Variants in SLC38A4 observed in about 807,000 individuals in gnomAD.
SLC38A4 encodes solute carrier family 38 member 4.
Under a neutral mutation model 63.1 loss-of-function variants are expected in SLC38A4, and 20 were observed. That is an observed-to-expected ratio of 0.32 (90% CI 0.22 to 0.46). The LOEUF is 0.46. SLC38A4 is among the 20% of genes least tolerant of loss of function. The pLI is 1.00. For synonymous variants in SLC38A4, 230 were observed against 225.5 expected (o/e 1.02, Z -0.18); for missense variants, 526 against 663.6 (o/e 0.79, Z 2.28).
intron 1 of SLC38A4, among the ~76,000 whole-genome samples, chr12:46,815,869 T>G (rs547532854): frequency 6.6e-6 from 1 of 151,980 alleles, no homozygotes; most frequent in Non-Finnish European, 1.5e-5. Context: ...GTAGGTCCCT[T>G]AAAATATCCA....
intron 1 of SLC38A4, among the ~76,000 whole-genome samples, chr12:46,806,998 A>G (rs1203127957): frequency 6.8e-6 from 1 of 147,944 alleles, no homozygotes; most frequent in Non-Finnish European, 1.5e-5. Context: ...GTCAACAATT[A>G]AAAAAAAAAA....
chr12:46,766,657 C>G lies in SLC38A4; in HGVS notation c.*44G>C, dbSNP rs766667475. 8.0e-7 allele frequency: 1 copy of G among 1,244,136 alleles called. No individual in the cohort carries two copies. Among genetic ancestry groups the G allele is most frequent in the Non-Finnish European group, 1.2e-6 (1 of 852,622 alleles). The allele number at this position is 1,244,136 out of a possible 1,614,324, so 77.1% of individuals were successfully genotyped here. A position where few individuals can be genotyped will look rare whatever the true frequency, so the allele number is the denominator to read the frequency against. ...AATTCAAATATCTTTTGGAGTATAA[C>G]TTGTAACCATTTCCAATAGAAAAAG... On this transcript the variant is annotated 3_prime_UTR_variant, in exon 17 of 17. Transcript: ENST00000266579.
At chr12:46,791,085 G>A (rs1299286659) in intron 3 of SLC38A4, among the ~76,000 whole-genome samples, 1 of 152,188 alleles carries the variant, frequency 6.6e-6, no homozygotes, top group African/African-American at 2.4e-5. Context: ...CAGTTCTTAG[G>A]AGGGTGTCCC....
At chr12:46,788,654 C>T in intron 3 of SLC38A4, 36 bp from the exon 4 acceptor site, 1 of 1,525,716 alleles carries the variant, frequency 6.6e-7, no homozygotes. Flanking sequence ...AAAGTGAAAA[C>T]ATCTAAATAT....
At chr12:46,768,436 A>C in intron 15 of SLC38A4, 29 bp from the exon 16 acceptor site, 1 of 1,539,344 alleles carries the variant, frequency 6.5e-7, no homozygotes, top group Non-Finnish European at 8.9e-7. Context: ...GGCAAGGTCA[A>C]TGTCTTACCC....
Position 46,786,747 on chromosome 12 carries a change from T to G in SLC38A4, c.326+1169A>C, listed in dbSNP as rs183179305. 1.8e-4 allele frequency among the ~76,000 whole-genome samples: 28 copies of G among 152,256 alleles called. No individual in the cohort carries two copies. In the East Asian group the frequency reaches 5.4e-3, roughly 29 times the overall value. The stretch of plus-strand genomic sequence containing the variant: ...AAACCCATTCAGCTGAAGAATATTA[T>G]ACATAAAAGAGTTCAATCAAAGCAC... On this transcript the variant is annotated intron_variant, in intron 5 of 16. Transcript: ENST00000266579.
Position 46,779,954 on chromosome 12 carries a change from A to G in SLC38A4, c.570T>C (p.Asn190=). The G allele has an allele frequency of 1.2e-6, 2 of 1,612,010 alleles. No homozygotes were observed. Among genetic ancestry groups the G allele is most frequent in the Non-Finnish European group, 1.7e-6 (2 of 1,178,662 alleles). ...VIRAFMGLEE[N]TGEWYLNGNY... ...AGAGGGAGCATAAGACATACCCAGT[A>G]TTTTCTTCAAGTCCCATGAATGCTC... The change falls in exon 8 of 17, where the codon AAT becomes AAC. Residue 190 remains asparagine, a synonymous_variant. Coordinates refer to ENST00000266579, the MANE Select transcript of SLC38A4 (RefSeq NM_018018.5).
chr12:46,803,535 A>G (rs1173440115), intron 2 of SLC38A4, 68 bp downstream of exon 2: 1 of 152,032 alleles, frequency 6.6e-6, no homozygotes, highest in Non-Finnish European at 1.5e-5. Flanking sequence ...ATAAACAAAC[A>G]ACACAATAAA....
At chr12:46,768,599 T>C (rs1938345707) in intron 15 of SLC38A4, among the ~76,000 whole-genome samples, 192 bp from the exon 16 acceptor site, 1 of 152,146 alleles carries the variant, frequency 6.6e-6, no homozygotes, top group African/African-American at 2.4e-5. Flanking sequence ...ACAATTAAAA[T>C]GTACCTAACA....
intron 1 of SLC38A4, among the ~76,000 whole-genome samples, chr12:46,822,489 A>G (rs1343799212): frequency 6.6e-6 from 1 of 152,168 alleles, no homozygotes; most frequent in Admixed American, 6.5e-5. Flanking sequence ...AGGTCCTGGC[A>G]TGATAGCTGA....
upstream of SLC38A4, among the ~76,000 whole-genome samples, chr12:46,829,937 G>T (rs907989715): frequency 6.6e-6 from 1 of 152,156 alleles, no homozygotes; most frequent in African/African-American, 2.4e-5. Context: ...TCATAAGTTT[G>T]TTATGAAGGT....
At chr12:46,821,636 C>T (rs768790783) in intron 1 of SLC38A4, among the ~76,000 whole-genome samples, 3 of 152,048 alleles carry the variant, frequency 2.0e-5, no homozygotes, top group Non-Finnish European at 2.9e-5. Flanking sequence ...ATGATGGCTC[C>T]AGCTTTGTTC....
chr12:46,787,949 T>C lies in SLC38A4; in HGVS notation c.293A>G (p.Tyr98Cys), dbSNP rs1938798037. The C allele has an allele frequency of 5.0e-6, 8 of 1,613,712 alleles. No homozygotes were observed. The highest frequency in any genetic ancestry group is 1.7e-5 in the Admixed American group (1 of 59,970). Residue 98 changes from tyrosine (Y) to cysteine (C), a missense_variant, in exon 5 of 17, where the codon TAT (tyrosine) becomes TGT (cysteine). By Grantham distance (194) the Tyr-to-Cys change is radical (BLOSUM62 -2). Transcript: ENST00000266579. ...IMGSGILGLSYAMANTGIILF... is the reference protein window; with the variant it reads ...IMGSGILGLSCAMANTGIILF... ...TATGATCCCTGTGTTGGCCATGGCA[T>C]AGGACAAGCCCAGGATCCCACTGCC...
chr12:46,814,128 C>CT, intron 1 of SLC38A4, among the ~76,000 whole-genome samples: 1 of 151,924 alleles, frequency 6.6e-6, no homozygotes, highest in Non-Finnish European at 1.5e-5. Flanking sequence ...TTCTATTGTT[C>CT]TTTTTTATAA....
At chr12:46,769,509 A>T in intron 14 of SLC38A4, 81 bp from the exon 15 acceptor site, 1 of 1,441,526 alleles carries the variant, frequency 6.9e-7, no homozygotes, top group Non-Finnish European at 9.4e-7. Flanking sequence ...CATCACTCTA[A>T]TGCATTTTCT....
chr12:46,809,631 G>T (rs1259777987), intron 1 of SLC38A4, among the ~76,000 whole-genome samples: 1 of 152,058 alleles, frequency 6.6e-6, no homozygotes, highest in Non-Finnish European at 1.5e-5. Context: ...CTTTACGGTT[G>T]CTTTAGTTAG....
At chr12:46,829,870 C>T (rs544007189), upstream of SLC38A4, among the ~76,000 whole-genome samples, 10 of 152,320 alleles carry the variant, frequency 6.6e-5, no homozygotes, top group African/African-American at 1.7e-4. Flanking sequence ...TTGTGTTCTT[C>T]ACACTGTGTA....
intron 1 of SLC38A4, among the ~76,000 whole-genome samples, chr12:46,831,095 C>T (rs1939725360): frequency 1.3e-5 from 2 of 152,204 alleles, no homozygotes; most frequent in African/African-American, 4.8e-5. Context: ...TCTTCCATCT[C>T]TGCCTGCTGG....
intron 13 of SLC38A4, among the ~76,000 whole-genome samples, chr12:46,776,588 A>AAAGC (rs1938529932): frequency 6.6e-6 from 1 of 152,028 alleles, no homozygotes; most frequent in Non-Finnish European, 1.5e-5. Context: ...ATTCATTCTC[A>AAAGC]TCACTTGTAG....
Sources: allele counts gnomAD v4.1 joint callset (sites outside exome capture counted in the v4.1 genomes callset), GRCh38; gene constraint gnomAD v4.1.1; transcripts MANE v1.5; gene names NCBI Gene and HGNC (gene_info 2026-07-23, HGNC 2026-07-21).